Variants in PCDH15 observed in about 807,000 individuals in gnomAD.
The protein encoded by PCDH15 is protocadherin-15.
A neutral mutation model predicts 178.5 loss-of-function variants in PCDH15; 129 were observed. The ratio of observed to expected loss-of-function variants is 0.72; its 90% CI spans 0.63 to 0.84. PCDH15 has a LOEUF of 0.84. PCDH15 is among the 40% of genes least tolerant of loss of function. The probability of loss-of-function intolerance (pLI) is 0.00; values close to 1 mark genes in which losing one functional copy is unlikely to be tolerated. For synonymous variants in PCDH15, 800 were observed against 732.0 expected (o/e 1.09, Z -1.50); for missense variants, 2,230 against 2,099.9 (o/e 1.06, Z -1.21).
chr10:55,263,323 G>T (rs1204636514), intron 1 of PCDH15, among the ~76,000 whole-genome samples: 1 of 152,286 alleles, frequency 6.6e-6, no homozygotes, highest in African/African-American at 2.4e-5. Context: ...GCTACAGGCT[G>T]TGGCAATGTT....
rs1261726294 is a variant in PCDH15, at chr10:54,023,188, G to C, written c.2230C>G (p.Pro744Ala). ...AFVGQVKATD[P>A]DAGINGQVHY... ...ACTTGACCATTTATTCCAGCATCAGGGTCTGTTGCCTATTAAATAAAACAA... is the reference window on the plus strand; with the variant it reads ...ACTTGACCATTTATTCCAGCATCAGCGTCTGTTGCCTATTAAATAAAACAA... Residue 744 changes from proline to alanine, a missense_variant, in exon 19 of 38, where the codon CCT becomes GCT. Transcript: ENST00000644397. 4 of 1,612,798 alleles carry C rather than the reference G, an allele frequency of 2.5e-6. No homozygotes were observed. Among genetic ancestry groups the C allele is most frequent in the Non-Finnish European group, 3.4e-6 (4 of 1,179,708 alleles).
chr10:54,426,594 G>A (rs747025590), intron 3 of PCDH15, among the ~76,000 whole-genome samples: 23 of 152,098 alleles, frequency 1.5e-4, no homozygotes, highest in Non-Finnish European at 2.6e-4. Flanking sequence ...ATTTGCACAC[G>A]TCTCTCATGG....
chr10:55,619,809 T>C (rs1319407760), intron 2 of PCDH15, among the ~76,000 whole-genome samples: 1 of 152,032 alleles, frequency 6.6e-6, no homozygotes, highest in Non-Finnish European at 1.5e-5. Context: ...AAGTCACATA[T>C]AATATTTATT....
At chr10:53,824,661 A>AAAAGT (rs1384362867) in intron 32 of PCDH15, among the ~76,000 whole-genome samples, 1 of 152,128 alleles carries the variant, frequency 6.6e-6, no homozygotes, top group Non-Finnish European at 1.5e-5. Flanking sequence ...TCGAATCTTG[A>AAAAGT]AAAGTATTTT....
At chr10:53,888,318 GTACGTATA>G (rs2081279106) in intron 26 of PCDH15, among the ~76,000 whole-genome samples, 5 of 91,808 alleles carry the variant, frequency 5.4e-5, no homozygotes, top group African/African-American at 1.1e-4. Context: ...ATGTATATAT[GTACGTATA>G]TATATGTACG....
At position 55,515,178 on chromosome 10, in the gene PCDH15, G is replaced by A. The variant is rs112579891; in HGVS notation, c.-156+112447C>T. Among the ~76,000 whole-genome samples, 999 of 151,598 alleles carry A rather than the reference G, an allele frequency of 6.6e-3. 14 individuals carry two copies. Among genetic ancestry groups the A allele is most frequent in the African/African-American group, 0.023 (945 of 41,362 alleles). On this transcript the variant is annotated intron_variant, in intron 2 of 5. Transcript: ENST00000613346. ...TAATTTTTGTGTTTTTAATAGAGAC[G>A]GGGTTTCATCATGTTGGCCAGGCTG...
At chr10:53,962,906 G>A (rs1168518841) in intron 21 of PCDH15, among the ~76,000 whole-genome samples, 3 of 152,130 alleles carry the variant, frequency 2.0e-5, no homozygotes, top group African/African-American at 7.2e-5. Flanking sequence ...CTTAGGCCTT[G>A]TAAATTTCTT....
At chr10:54,325,711 T>C (rs1050325065) in intron 7 of PCDH15, among the ~76,000 whole-genome samples, 4 of 152,018 alleles carry the variant, frequency 2.6e-5, no homozygotes, top group Non-Finnish European at 5.9e-5. Flanking sequence ...ATCATGCCAC[T>C]GCACTCTAGC....
At chr10:54,921,151 A>C (rs1020996767) in intron 2 of PCDH15, among the ~76,000 whole-genome samples, 37 of 152,158 alleles carry the variant, frequency 2.4e-4, no homozygotes, top group African/African-American at 8.2e-4. Flanking sequence ...AGAAGAGTTA[A>C]ATTCTTGCAT....
intron 3 of PCDH15, among the ~76,000 whole-genome samples, chr10:54,826,195 C>T (rs1378253945): frequency 6.6e-6 from 1 of 151,578 alleles, no homozygotes; most frequent in Non-Finnish European, 1.5e-5. Flanking sequence ...GGTAAAAAGC[C>T]TAATTTTCTT....
intron 10 of PCDH15, among the ~76,000 whole-genome samples, chr10:54,199,134 G>T (rs141260858): frequency 2.6e-4 from 40 of 152,096 alleles, no homozygotes; most frequent in African/African-American, 9.4e-4. Flanking sequence ...TAAAGGCTCT[G>T]CCCATTTTTA....
At chr10:54,453,993 G>T (rs926683037) in intron 3 of PCDH15, among the ~76,000 whole-genome samples, 14 of 151,140 alleles carry the variant, frequency 9.3e-5, no homozygotes, top group Middle Eastern at 3.5e-3. Flanking sequence ...CTTTCCAATA[G>T]GTCTGAAATA....
chr10:54,250,362 A>G (rs982345541), intron 8 of PCDH15, among the ~76,000 whole-genome samples: 1 of 142,648 alleles, frequency 7.0e-6, no homozygotes, highest in Non-Finnish European at 1.5e-5. Flanking sequence ...GGCTCACTGC[A>G]AGCTCTGCCT....
At chr10:55,281,749 AC>A (rs1250961429) in intron 1 of PCDH15, among the ~76,000 whole-genome samples, 5 of 152,094 alleles carry the variant, frequency 3.3e-5, no homozygotes, top group African/African-American at 1.2e-4. Flanking sequence ...AACATATGAA[AC>A]CAAACTTCTC....
intron 3 of PCDH15, among the ~76,000 whole-genome samples, chr10:54,444,109 A>T (rs189537396): frequency 2.0e-5 from 3 of 151,856 alleles, no homozygotes; most frequent in Admixed American, 1.3e-4. Context: ...AACAAGAGGT[A>T]AGGGAATATT....
chr10:54,077,421 T>A (rs537950368), intron 17 of PCDH15, among the ~76,000 whole-genome samples: 1 of 152,340 alleles, frequency 6.6e-6, no homozygotes, highest in South Asian at 2.1e-4. Context: ...TCCTTCCATC[T>A]GTTTCCTTGT....
chr10:54,453,646 A>G (rs1310509311), intron 3 of PCDH15, among the ~76,000 whole-genome samples: 1 of 152,064 alleles, frequency 6.6e-6, no homozygotes, highest in Non-Finnish European at 1.5e-5. Context: ...CTAAAACTTA[A>G]AGTATAATTT....
intron 8 of PCDH15, among the ~76,000 whole-genome samples, chr10:54,265,268 A>G (rs1312367379): frequency 6.6e-6 from 1 of 152,154 alleles, no homozygotes; most frequent in Non-Finnish European, 1.5e-5. Flanking sequence ...GGGAGTTCTA[A>G]ATGTGGATGT....
At chr10:54,807,182 G>T (rs1952792692) in intron 3 of PCDH15, among the ~76,000 whole-genome samples, 2 of 152,128 alleles carry the variant, frequency 1.3e-5, no homozygotes, top group South Asian at 4.1e-4. Context: ...ATATCTAAAT[G>T]TGTAGAAATA....
Sources: gnomAD v4.1 joint callset for allele counts (sites outside exome capture counted in the v4.1 genomes callset) on GRCh38, gnomAD v4.1.1 for gene constraint, MANE v1.5 for transcripts, NCBI Gene and HGNC (gene_info 2026-07-23, HGNC 2026-07-21) for gene names.